Variants in MSR1 observed in about 807,000 individuals in gnomAD.
MSR1 encodes macrophage scavenger receptor 1, also known as macrophage scavenger receptor types I and II.
MSR1 carries 53 observed loss-of-function variants against 47.2 expected under a neutral mutation model. That is an observed-to-expected ratio of 1.12 (90% confidence interval 0.90 to 1.41). The LOEUF (loss-of-function observed/expected upper bound fraction) is 1.41. Ranked by LOEUF, MSR1 falls within the 40% of genes most tolerant of loss-of-function variation. MSR1 has a pLI of 0.00. For synonymous variants in MSR1, 239 were observed against 185.6 expected, an observed-to-expected ratio of 1.29 and a Z score of -2.34; for missense variants, 786 against 546.9, an observed-to-expected ratio of 1.44 and a Z score of -4.36.
intron 8 of MSR1, among the ~76,000 whole-genome samples, chr8:16,127,610 C>A (rs769388275): frequency 3.3e-5 from 5 of 152,132 alleles, no homozygotes; most frequent in South Asian, 4.2e-4. Context: ...GGAAAAAATG[C>A]GGCATTCTTT....
rs541582800 is a variant in MSR1, at chr8:16,175,310, C to G, written c.104-10G>C. The G allele has an allele frequency of 1.9e-6, 3 of 1,599,504 alleles. No homozygotes were observed. The South Asian group carries it at 3.3e-5, about 18-fold the overall frequency. On this transcript the variant is annotated splice_polypyrimidine_tract_variant and intron_variant, in intron 2 of 9. Coordinates refer to ENST00000262101, the MANE Select transcript of MSR1 (RefSeq NM_138715.3). Reference sequence around the variant, plus strand: ...GGGCTGTTTTTAGGATCTAATAAAACAAAAAAGCCCAGCCTACTGTTAGAA... The same window carrying G: ...GGGCTGTTTTTAGGATCTAATAAAAGAAAAAAGCCCAGCCTACTGTTAGAA...
At chr8:16,182,752 C>T (rs531383339) in intron 1 of MSR1, among the ~76,000 whole-genome samples, 2 of 152,194 alleles carry the variant, frequency 1.3e-5, no homozygotes, top group African/African-American at 2.4e-5. Context: ...GATAACATTG[C>T]CTTCTTCCAG....
At chr8:16,128,312 G>A (rs1760770094) in intron 8 of MSR1, among the ~76,000 whole-genome samples, 1 of 152,020 alleles carries the variant, frequency 6.6e-6, no homozygotes, top group South Asian at 2.1e-4. Flanking sequence ...TAAAGATAGA[G>A]GCCATATGGA....
chr8:16,108,859 T>C lies in MSR1; in HGVS notation c.*1226A>G, dbSNP rs1231688583. 1 of 152,148 alleles carries C rather than the reference T, an allele frequency of 6.6e-6. No homozygotes were observed. Among genetic ancestry groups the C allele is most frequent in the Admixed American group, 6.6e-5 (1 of 15,266 alleles). 9.4% of individuals were successfully genotyped at this position (152,148 alleles called of 1,614,324 possible). On this transcript the variant is annotated 3_prime_UTR_variant, in exon 10 of 10. Coordinates refer to ENST00000262101, the MANE Select transcript of MSR1 (RefSeq NM_138715.3). ...TTAAGCTTATGCTTTCATTTGCCACTATTAAAGAAAGAACAGTAGAGTAAT... is the reference window on the plus strand; with the variant it reads ...TTAAGCTTATGCTTTCATTTGCCACCATTAAAGAAAGAACAGTAGAGTAAT...
chr8:16,157,130 A>G lies in MSR1; in HGVS notation c.818-1986T>C, dbSNP rs139739629. ...AGTTTAGTAACTCAGGATCCAAAGC[A>G]AGACGCAGACATTCCAGGAAAAACT... is the stretch of plus-strand genomic sequence containing the variant. On this transcript the variant is annotated intron_variant, in intron 5 of 9. Coordinates refer to ENST00000262101, the MANE Select transcript of MSR1 (RefSeq NM_138715.3). Among the ~76,000 whole-genome samples, 918 of 152,112 alleles carry G rather than the reference A, an allele frequency of 6.0e-3. 13 individuals are homozygous for G. The highest frequency in any genetic ancestry group is 0.02 in the African/African-American group (838 of 41,544).
intron 5 of MSR1, among the ~76,000 whole-genome samples, chr8:16,156,671 A>G (rs190534810): frequency 4.9e-4 from 74 of 151,934 alleles, no homozygotes; most frequent in African/African-American, 1.7e-3. Flanking sequence ...TTAACTAAAG[A>G]TCTTTACCAT....
chr8:16,164,351 T>G, intron 4 of MSR1, 100 bp from the exon 5 acceptor site: 1 of 926,168 alleles, frequency 1.1e-6, no homozygotes. Flanking sequence ...TAAAAACATA[T>G]TATGGGAGTT....
chr8:16,191,137 T>C (rs1010539928), intron 1 of MSR1, among the ~76,000 whole-genome samples: 2 of 152,220 alleles, frequency 1.3e-5, no homozygotes, highest in African/African-American at 2.4e-5. Flanking sequence ...TGAATGTGTA[T>C]ATAAAATGAA....
intron 7 of MSR1, 142 bp from the exon 8 acceptor site, chr8:16,143,753 AACAATAATAATAG>A: frequency 4.5e-6 from 3 of 660,010 alleles, no homozygotes; most frequent in Non-Finnish European, 7.9e-6. Context: ...GTATAATGTT[AACAATAATAATAG>A]TTATTACTTA....
chr8:16,131,125 C>T (rs188786522), intron 8 of MSR1, among the ~76,000 whole-genome samples: 9 of 152,196 alleles, frequency 5.9e-5, no homozygotes, highest in East Asian at 5.8e-4. Flanking sequence ...CTTTTCTCCA[C>T]GAACTCGTCA....
chr8:16,110,031 A>G lies in MSR1; in HGVS notation c.*54T>C, dbSNP rs948579250. On this transcript the variant is annotated 3_prime_UTR_variant, in exon 10 of 10. Coordinates refer to ENST00000262101, the MANE Select transcript of MSR1 (RefSeq NM_138715.3). ...TAAATGGATTTTACAGGAACAAGGT[A>G]ATAAAATCATTTTTGAGCAGCGATT... 6.3e-7 allele frequency: 1 copy of G among 1,599,372 alleles called. No individual in the cohort carries two copies. Among genetic ancestry groups the G allele is most frequent in the African/African-American group, 1.3e-5 (1 of 74,686 alleles).
intron 9 of MSR1, among the ~76,000 whole-genome samples, chr8:16,117,446 C>T (rs1461633938): frequency 6.6e-6 from 1 of 151,976 alleles, no homozygotes; most frequent in Non-Finnish European, 1.5e-5. Flanking sequence ...TATCAAAAAC[C>T]CTGTCAGTGA....
At chr8:16,131,858 A>G (rs1441621404) in intron 8 of MSR1, among the ~76,000 whole-genome samples, 1 of 152,038 alleles carries the variant, frequency 6.6e-6, no homozygotes, top group Non-Finnish European at 1.5e-5. Context: ...TTTTTGTACT[A>G]GTACCATGCT....
intron 3 of MSR1, among the ~76,000 whole-genome samples, chr8:16,170,077 C>T (rs951584751): frequency 9.2e-5 from 14 of 152,186 alleles, no homozygotes; most frequent in Admixed American, 3.9e-4. Context: ...AGGCCGGGTG[C>T]GTTGGCTCAT....
intron 5 of MSR1, among the ~76,000 whole-genome samples, chr8:16,156,481 T>C (rs1380901562): frequency 6.6e-6 from 1 of 151,932 alleles, no homozygotes; most frequent in Non-Finnish European, 1.5e-5. Flanking sequence ...AAGGTACAAT[T>C]TGGGTTTTAG....
At chr8:16,126,466 TA>T (rs955769815) in intron 8 of MSR1, among the ~76,000 whole-genome samples, 7 of 151,520 alleles carry the variant, frequency 4.6e-5, no homozygotes, top group African/African-American at 9.7e-5. Context: ...ATACAGAAAT[TA>T]AAAAAAAATC....
At chr8:16,131,203 A>G (rs916591251) in intron 8 of MSR1, among the ~76,000 whole-genome samples, 3 of 151,890 alleles carry the variant, frequency 2.0e-5, no homozygotes, top group Admixed American at 2.0e-4. Context: ...GTGGTATCTC[A>G]TTGTGCTTTT....
chr8:16,164,062 T>C lies in MSR1; in HGVS notation c.817+3A>G. On this transcript the variant is annotated splice_donor_region_variant and intron_variant, in intron 5 of 9. Coordinates refer to ENST00000262101, the MANE Select transcript of MSR1 (RefSeq NM_138715.3). ...TTTCTGGAGAAATGACAAGACATTTTACCTTGAATTAAAGTGATATTTCTC... is the reference window on the plus strand; with the variant it reads ...TTTCTGGAGAAATGACAAGACATTTCACCTTGAATTAAAGTGATATTTCTC... 1 of 1,602,310 alleles carries C rather than the reference T, an allele frequency of 6.2e-7. No individual in the cohort carries two copies. Among genetic ancestry groups the C allele is most frequent in the South Asian group, 1.1e-5 (1 of 89,926 alleles).
chr8:16,170,590 T>G (rs1182059862), intron 3 of MSR1, among the ~76,000 whole-genome samples: 1 of 152,184 alleles, frequency 6.6e-6, no homozygotes, highest in African/African-American at 2.4e-5. Context: ...CAAAAATATA[T>G]GCAGCTCCAC....
Sources: gnomAD v4.1 joint callset for allele counts (sites outside exome capture counted in the v4.1 genomes callset) on GRCh38, gnomAD v4.1.1 for gene constraint, MANE v1.5 for transcripts, NCBI Gene and HGNC (gene_info 2026-07-23, HGNC 2026-07-21) for gene names.